CACNA2D2: variants seen among roughly 807,000 people sequenced by gnomAD.
CACNA2D2 encodes voltage-dependent calcium channel subunit alpha-2/delta-2.
In CACNA2D2, 48 loss-of-function variants were observed where a neutral mutation model predicts 166.4. The ratio of observed to expected loss-of-function variants is 0.29; its 90% CI spans 0.23 to 0.37. The LOEUF (loss-of-function observed/expected upper bound fraction) is 0.37. Ranked by LOEUF, CACNA2D2 falls within the 10% of genes least tolerant of loss-of-function variation. CACNA2D2 has a pLI of 1.00. For synonymous variants in CACNA2D2, 561 were observed against 573.7 expected (o/e 0.98, Z 0.32); for missense variants, 1,122 against 1,433.0 (o/e 0.78, Z 3.50).
intron 2 of CACNA2D2, among the ~76,000 whole-genome samples, chr3:50,454,181 C>G (rs1042151931): frequency 1.3e-5 from 2 of 152,218 alleles, no homozygotes; most frequent in Non-Finnish European, 2.9e-5. Context: ...CAGCCAGGCT[C>G]CGGAAGCCTC....
At chr3:50,463,636 G>A (rs1709689052) in intron 2 of CACNA2D2, among the ~76,000 whole-genome samples, 1 of 152,244 alleles carries the variant, frequency 6.6e-6, no homozygotes, top group Admixed American at 6.5e-5. Flanking sequence ...GTTAGAGGAG[G>A]GCTGTCTGAG....
intron 2 of CACNA2D2, among the ~76,000 whole-genome samples, chr3:50,461,298 C>G (rs1269951766): frequency 6.6e-6 from 1 of 152,224 alleles, no homozygotes; most frequent in Non-Finnish European, 1.5e-5. Context: ...GGAGTGCTGC[C>G]TTAGAAAATC....
chr3:50,427,441 A>T lies in CACNA2D2; in HGVS notation c.405+6872T>A, dbSNP rs758637745. ...GAGAATAATCAGCTGTAAACGCCGC[A>T]ATCAGGGAGAAAAGGCTGCTTGGGC... is the stretch of plus-strand genomic sequence containing the variant. On this transcript the variant is annotated intron_variant, in intron 3 of 37. Coordinates refer to ENST00000424201, the MANE Select transcript of CACNA2D2 (RefSeq NM_006030.4). This position sits in a 1 kb window ranked among gnomAD's most constrained non-coding sequence, Gnocchi z 4.7. 3.9e-5 allele frequency among the ~76,000 whole-genome samples: 6 copies of T among 152,362 alleles called. No homozygotes were observed. Among genetic ancestry groups the T allele is most frequent in the African/African-American group, 1.4e-4 (6 of 41,592 alleles).
At chr3:50,441,726 C>T (rs1385967978) in intron 2 of CACNA2D2, among the ~76,000 whole-genome samples, 1 of 152,270 alleles carries the variant, frequency 6.6e-6, no homozygotes, top group Non-Finnish European at 1.5e-5. Flanking sequence ...TATCCATTTA[C>T]ACCAGGCCTG....
intron 2 of CACNA2D2, among the ~76,000 whole-genome samples, chr3:50,443,911 C>T (rs1708722192): frequency 6.6e-6 from 1 of 152,224 alleles, no homozygotes; most frequent in South Asian, 2.1e-4. Flanking sequence ...AATCATGTCA[C>T]AGCTCCAGTG....
At chr3:50,378,179 C>T in intron 14 of CACNA2D2, 82 bp from the exon 15 acceptor site, 1 of 1,577,132 alleles carries the variant, frequency 6.3e-7, no homozygotes, top group South Asian at 1.1e-5. Context: ...TGGGATTGTG[C>T]CCCAGCCACT....
At chr3:50,401,641 A>C (rs1204401726) in intron 3 of CACNA2D2, among the ~76,000 whole-genome samples, 1 of 152,112 alleles carries the variant, frequency 6.6e-6, no homozygotes, top group Non-Finnish European at 1.5e-5. Flanking sequence ...AAGAGAGGAC[A>C]CTTAAAAAAA....
At chr3:50,394,224 C>T in intron 3 of CACNA2D2, 56 bp from the exon 4 acceptor site, 1 of 1,455,546 alleles carries the variant, frequency 6.9e-7, no homozygotes, top group Non-Finnish European at 9.7e-7. Context: ...TGCCCTATGC[C>T]CACCCCAAAG....
In CACNA2D2 at chr3:50,367,134, G is replaced by C; in HGVS notation, c.2402-25C>G. 6.3e-7 allele frequency: 1 copy of C among 1,579,452 alleles called. No individual in the cohort carries two copies. Among genetic ancestry groups the C allele is most frequent in the Non-Finnish European group, 8.7e-7 (1 of 1,150,896 alleles). On this transcript the variant is annotated intron_variant, in intron 27 of 37. Coordinates refer to ENST00000424201, the MANE Select transcript of CACNA2D2 (RefSeq NM_006030.4). This position sits in a 1 kb window ranked among gnomAD's most constrained non-coding sequence, Gnocchi z 6.5. ...GCTGGGGGTTGGGTGGGGAAGTCAG[G>C]AGTGGGGTCTGGCGGCCACACTGAC...
At chr3:50,374,848 G>GT in intron 21 of CACNA2D2, 35 bp from the exon 22 acceptor site, 1 of 1,521,820 alleles carries the variant, frequency 6.6e-7, no homozygotes, top group Non-Finnish European at 8.9e-7. Flanking sequence ...CGGCTGGGGG[G>GT]AGGCGGGCCA....
At chr3:50,480,015 C>A (rs1051546001) in intron 1 of CACNA2D2, among the ~76,000 whole-genome samples, 1 of 152,188 alleles carries the variant, frequency 6.6e-6, no homozygotes, top group South Asian at 2.1e-4. Flanking sequence ...GGCTTAATGA[C>A]TGGTGTGGGC....
chr3:50,366,616 T>G lies in CACNA2D2; in HGVS notation c.2599A>C (p.Asn867His), dbSNP rs369917706. Residue 867 changes from asparagine (N) to histidine (H), a missense_variant, in exon 30 of 38, where the codon AAC (asparagine) becomes CAC (histidine). Physicochemically the swap from Asn to His is moderately conservative, Grantham distance 68. Coordinates refer to ENST00000424201, the MANE Select transcript of CACNA2D2 (RefSeq NM_006030.4). This position sits in a 1 kb window ranked among gnomAD's most constrained non-coding sequence, Gnocchi z 5.9. ...HQDQPQKCGP[N>H]SHCEMDCEVN... is the part of the protein sequence containing the mutation. The stretch of plus-strand genomic sequence containing the variant: ...TCGCAGTCCATCTCACAGTGGCTGT[T>G]GGGGCCGCACTGCTGGGCAGAGAGT... 4 of 1,613,928 alleles carry G rather than the reference T, an allele frequency of 2.5e-6. No homozygotes were observed. The African/African-American group carries it at 4.0e-5, about 16-fold the overall frequency.
At chr3:50,433,258 T>C (rs906692644) in intron 3 of CACNA2D2, among the ~76,000 whole-genome samples, 1 of 152,226 alleles carries the variant, frequency 6.6e-6, no homozygotes, top group African/African-American at 2.4e-5. Flanking sequence ...ACACAATATG[T>C]GGTCTTTTGT....
At chr3:50,416,337 G>A (rs780489751) in intron 3 of CACNA2D2, 1 of 152,516 alleles carries the variant, frequency 6.6e-6, no homozygotes, top group East Asian at 1.9e-4. Context: ...GGAGGAGGGT[G>A]AGATAGAGCT....
At chr3:50,495,733 A>G (rs1001819332) in intron 1 of CACNA2D2, among the ~76,000 whole-genome samples, 1 of 152,052 alleles carries the variant, frequency 6.6e-6, no homozygotes, top group African/African-American at 2.4e-5. Context: ...AATGAGAAGC[A>G]CCCACTCTGA....
At chr3:50,378,824 C>G in intron 13 of CACNA2D2, 91 bp downstream of exon 13, 1 of 1,481,264 alleles carries the variant, frequency 6.8e-7, no homozygotes, top group Middle Eastern at 2.3e-4. Context: ...GGTGAACACA[C>G]AGCTGGACAT....
chr3:50,501,459 G>T (rs1560012964), intron 1 of CACNA2D2, among the ~76,000 whole-genome samples: 1 of 130,748 alleles, frequency 7.6e-6, no homozygotes. Flanking sequence ...CAACTATATC[G>T]ACAACAGCGT....
At chr3:50,405,214 C>T (rs41308271) in intron 3 of CACNA2D2, among the ~76,000 whole-genome samples, 96 of 152,244 alleles carry the variant, frequency 6.3e-4, no homozygotes, top group Non-Finnish European at 1.2e-3. Flanking sequence ...GAAATGTGCC[C>T]GATGGGGCAC....
At chr3:50,406,742 T>G (rs1236685711) in intron 3 of CACNA2D2, among the ~76,000 whole-genome samples, 1 of 151,666 alleles carries the variant, frequency 6.6e-6, no homozygotes, top group African/African-American at 2.4e-5. Flanking sequence ...CAACATCACT[T>G]CCATCACCAC....
Sources: allele counts gnomAD v4.1 joint callset (sites outside exome capture counted in the v4.1 genomes callset), GRCh38; gene constraint gnomAD v4.1.1; non-coding constraint Gnocchi (gnomAD v3.1); transcripts MANE v1.5; gene names NCBI Gene and HGNC (gene_info 2026-07-23, HGNC 2026-07-21).